The following PBLD variants were observed in gnomAD, a reference collection of about 807,000 sequenced individuals.
The protein encoded by PBLD is phenazine biosynthesis like protein domain containing.
Under a neutral mutation model 31.3 loss-of-function variants are expected in PBLD, and 26 were observed. The observed-to-expected ratio is 0.83, with a 90% confidence interval of 0.61 to 1.15. PBLD has a LOEUF of 1.15. Ranked by LOEUF, PBLD falls within the 50% of genes most tolerant of loss-of-function variation. PBLD has a pLI of 0.00. For missense variants in PBLD, 307 were observed against 351.7 expected (o/e 0.87, Z 1.02); for synonymous variants, 114 against 129.0 (o/e 0.88, Z 0.79).
rs148150262 is a variant in PBLD at position 68,326,198 on chromosome 10, G to A, written c.-60+6586C>T. ...ATTACAGGCATGCAGTATCATGCCC[G>A]GTTAATTATTTTTGTATTTTTAGTA... On this transcript the variant is annotated intron_variant, in intron 1 of 9. Coordinates refer to ENST00000358769, the MANE Select transcript of PBLD (RefSeq NM_022129.4). 5.4e-3 allele frequency among the ~76,000 whole-genome samples: 825 copies of A among 152,030 alleles called. 6 individuals are homozygous for A. The highest frequency in any genetic ancestry group is 8.0e-3 in the Non-Finnish European group (547 of 67,994).
At chr10:68,299,919 C>T (rs977843362) in intron 2 of PBLD, among the ~76,000 whole-genome samples, 3 of 151,698 alleles carry the variant, frequency 2.0e-5, no homozygotes, top group African/African-American at 7.3e-5. Flanking sequence ...GAGACAGAGT[C>T]TCGCTCTGTC....
intron 2 of PBLD, among the ~76,000 whole-genome samples, chr10:68,300,246 C>T (rs543589390): frequency 6.4e-4 from 97 of 152,230 alleles, no homozygotes; most frequent in African/African-American, 1.9e-3. Flanking sequence ...GATAACTCAT[C>T]CCAGTGCCCA....
At chr10:68,307,004 C>T (rs183479759) in intron 1 of PBLD, 101 bp from the exon 2 acceptor site, 284 of 565,562 alleles carry the variant, frequency 5.0e-4, no homozygotes, top group Middle Eastern at 4.4e-3. Context: ...AAAGATACTA[C>T]ATTTAAAGAT....
chr10:68,327,718 A>G (rs975971543), intron 1 of PBLD, among the ~76,000 whole-genome samples: 4 of 150,798 alleles, frequency 2.7e-5, no homozygotes, highest in Non-Finnish European at 5.9e-5. Flanking sequence ...GAAATGGTCT[A>G]TTACTGTATT....
intron 1 of PBLD, among the ~76,000 whole-genome samples, chr10:68,310,863 C>A (rs1462806425): frequency 7.3e-6 from 1 of 137,694 alleles, no homozygotes; most frequent in Non-Finnish European, 1.6e-5. Flanking sequence ...TCTCAATAAA[C>A]CCATCATAAG....
At chr10:68,304,027 T>C (rs2044544018) in intron 2 of PBLD, among the ~76,000 whole-genome samples, 1 of 152,198 alleles carries the variant, frequency 6.6e-6, no homozygotes. Context: ...TTAACCTTTG[T>C]ACCTCTGGCT....
intron 1 of PBLD, among the ~76,000 whole-genome samples, chr10:68,320,018 T>G (rs2044810696): frequency 6.6e-6 from 1 of 151,954 alleles, no homozygotes; most frequent in African/African-American, 2.4e-5. Context: ...AGAAGAGGTT[T>G]CTCCATGTTG....
chr10:68,288,319 A>T (rs1181497564), intron 8 of PBLD, 164 bp downstream of exon 8: 4 of 733,110 alleles, frequency 5.5e-6, no homozygotes, highest in Non-Finnish European at 6.5e-6. Flanking sequence ...TATGTTTTTC[A>T]TGGAAGACTT....
At position 68,288,467 on chromosome 10, in the gene PBLD, C is replaced by T; in HGVS notation, c.691+16G>A. 4 of 1,610,988 alleles carry T rather than the reference C, an allele frequency of 2.5e-6. No individual in the cohort carries two copies. The highest frequency in any genetic ancestry group is 2.5e-6 in the Non-Finnish European group (3 of 1,178,820). On this transcript the variant is annotated intron_variant, in intron 8 of 9. Transcript: ENST00000358769. Reference sequence around the variant, plus strand: ...TTCCATTGTTTAACCCTCCCCTGGGCTCAAGTAAAAAGTACCTGTCACTGG... The same window carrying T: ...TTCCATTGTTTAACCCTCCCCTGGGTTCAAGTAAAAAGTACCTGTCACTGG...
At chr10:68,310,381 A>ATATATATATATATG (rs1438039280) in intron 1 of PBLD, among the ~76,000 whole-genome samples, 1 of 148,172 alleles carries the variant, frequency 6.7e-6, no homozygotes, top group African/African-American at 2.5e-5. Flanking sequence ...ATATATATAT[A>ATATATATATATATG]TATACACATT....
chr10:68,312,785 G>A (rs2044688366), intron 1 of PBLD, among the ~76,000 whole-genome samples: 2 of 149,836 alleles, frequency 1.3e-5, no homozygotes, highest in South Asian at 2.1e-4. Context: ...TAATTTTTTT[G>A]TATTTTTAGT....
At chr10:68,320,163 T>C (rs2044813008) in intron 1 of PBLD, among the ~76,000 whole-genome samples, 1 of 151,418 alleles carries the variant, frequency 6.6e-6, no homozygotes, top group Admixed American at 6.6e-5. Context: ...TAGGTGAAAA[T>C]AAAAGAGTGG....
chr10:68,332,461 A>G (rs1000725840), intron 1 of PBLD, among the ~76,000 whole-genome samples: 1 of 152,212 alleles, frequency 6.6e-6, no homozygotes, highest in Non-Finnish European at 1.5e-5. Context: ...AGTAGGGGAC[A>G]TCCAGCATTT....
At chr10:68,315,368 T>G (rs1025539298) in intron 1 of PBLD, among the ~76,000 whole-genome samples, 4 of 151,944 alleles carry the variant, frequency 2.6e-5, no homozygotes, top group Non-Finnish European at 5.9e-5. Flanking sequence ...GTGGTTGACT[T>G]GAGGTCAGGA....
In PBLD at chr10:68,292,217, G is replaced by T. The variant is rs375209240; in HGVS notation, c.305C>A (p.Thr102Lys). 1 of 1,613,570 alleles carries T rather than the reference G, an allele frequency of 6.2e-7. No homozygotes were observed. Residue 102 changes from threonine (T) to lysine (K), a missense_variant, in exon 5 of 10, where the codon ACG (threonine) becomes AAG (lysine). Physicochemically the swap from Thr to Lys is moderately conservative, Grantham distance 78 (BLOSUM62 -1). Transcript: ENST00000358769. ...TAGTTCTCCACTCAGAGTGACAAAC[G>T]TGAGCGTGCTATTCATGTTTTCTGG... The part of the protein sequence containing the change: ...HKIKNMNSTL[T>K]FVTLSGELRA...
Position 68,283,935 on chromosome 10 carries a change from C to T in PBLD, c.*242G>A, listed in dbSNP as rs371147657. 15 of 334,390 alleles carry T rather than the reference C, an allele frequency of 4.5e-5. No homozygotes were observed. The highest frequency in any genetic ancestry group is 1.3e-4 in the East Asian group (2 of 15,178). The allele number at this position is 334,390 out of a possible 1,614,324, so 20.7% of individuals were successfully genotyped here. A position where few individuals can be genotyped will look rare whatever the true frequency, so the allele number is the denominator to read the frequency against. ...CTAATTTTTGTATTTGTAGTAGAGA[C>T]GAGGTTTCACCATGTTGGCCAGGCT... On this transcript the variant is annotated 3_prime_UTR_variant, in exon 10 of 10. Coordinates refer to ENST00000358769, the MANE Select transcript of PBLD (RefSeq NM_022129.4).
At chr10:68,328,369 G>A (rs1448466845) in intron 1 of PBLD, among the ~76,000 whole-genome samples, 1 of 152,120 alleles carries the variant, frequency 6.6e-6, no homozygotes, top group Non-Finnish European at 1.5e-5. Flanking sequence ...CCCTCCCCCC[G>A]AAGAGTGTAA....
intron 8 of PBLD, chr10:68,288,174 T>C (rs1164941771): frequency 8.3e-6 from 3 of 359,384 alleles, no homozygotes; most frequent in South Asian, 4.2e-5. Flanking sequence ...AGGTATTATA[T>C]ACAATTTATA....
intron 1 of PBLD, among the ~76,000 whole-genome samples, chr10:68,308,409 T>C (rs1221282627): frequency 1.3e-5 from 2 of 152,196 alleles, no homozygotes; most frequent in Admixed American, 1.3e-4. Flanking sequence ...GGTCAAAGAG[T>C]ACAGATGTTT....
Sources: gnomAD v4.1 joint callset for allele counts (sites outside exome capture counted in the v4.1 genomes callset) on GRCh38, gnomAD v4.1.1 for gene constraint, MANE v1.5 for transcripts, NCBI Gene and HGNC (gene_info 2026-07-23, HGNC 2026-07-21) for gene names.